MAP3K20: variants seen among roughly 807,000 people sequenced by gnomAD.
MAP3K20 encodes the protein HCCS-4.
In MAP3K20, 40 loss-of-function variants were observed where a neutral mutation model predicts 85.7. The ratio of observed to expected loss-of-function variants is 0.47; its 90% CI spans 0.36 to 0.61. The LOEUF (loss-of-function observed/expected upper bound fraction) is 0.61, where lower values mean the gene tolerates loss of function less well. MAP3K20 is among the 20% of genes least tolerant of loss of function. The pLI, the probability that MAP3K20 is intolerant of heterozygous loss-of-function variation, is 0.00. For synonymous variants in MAP3K20, 325 were observed against 327.7 expected, an observed-to-expected ratio of 0.99 and a Z score of 0.09; for missense variants, 817 against 961.7, an observed-to-expected ratio of 0.85 and a Z score of 1.99.
intron 2 of MAP3K20, among the ~76,000 whole-genome samples, chr2:173,134,838 G>A (rs1688754744): frequency 6.6e-6 from 1 of 152,164 alleles, no homozygotes; most frequent in Non-Finnish European, 1.5e-5. Flanking sequence ...CAAACTGGGA[G>A]AAAGAAACTT....
intron 1 of MAP3K20, among the ~76,000 whole-genome samples, chr2:173,083,941 G>A (rs2106138539): frequency 6.6e-6 from 1 of 152,208 alleles, no homozygotes; most frequent in East Asian, 1.9e-4. Context: ...TTTTGAAGAA[G>A]GGGGAAAGGA....
At chr2:173,224,263 G>A (rs933095989) in intron 11 of MAP3K20, 4 of 985,144 alleles carry the variant, frequency 4.1e-6, no homozygotes, top group East Asian at 1.1e-4. Flanking sequence ...GGATCTTTGG[G>A]GCTAACTTCG....
intron 2 of MAP3K20, among the ~76,000 whole-genome samples, chr2:173,126,781 G>C (rs959988420): frequency 1.3e-5 from 2 of 152,226 alleles, no homozygotes; most frequent in Non-Finnish European, 2.9e-5. Context: ...TGCTCTTACA[G>C]ACTATTCTAG....
intron 16 of MAP3K20, among the ~76,000 whole-genome samples, chr2:173,244,132 A>T (rs1328215420): frequency 6.6e-6 from 1 of 152,154 alleles, no homozygotes; most frequent in African/African-American, 2.4e-5. Flanking sequence ...AGACGCAGCA[A>T]GTGGGAGGGA....
Position 173,150,462 on chromosome 2 carries a change from A to C in MAP3K20, c.160-19343A>C, listed in dbSNP as rs546459493. Among the ~76,000 whole-genome samples, 7 of 152,338 alleles carry C rather than the reference A, an allele frequency of 4.6e-5. No individual in the cohort carries two copies. The East Asian group carries it at 1.3e-3, about 29-fold the overall frequency. ...CAGGGTTGTTTCAGCCTCTTCTCTCATAAAAGAGAGAGTGCTATTGCTGTC... is the reference window on the plus strand; with the variant it reads ...CAGGGTTGTTTCAGCCTCTTCTCTCCTAAAAGAGAGAGTGCTATTGCTGTC... On this transcript the variant is annotated intron_variant, in intron 2 of 19. Coordinates refer to ENST00000375213, the MANE Select transcript of MAP3K20 (RefSeq NM_016653.3).
In MAP3K20 at chr2:173,232,386, GGCT is replaced by G. The variant is rs761939990; in HGVS notation, c.1141_1143del (p.Leu381del). 6 of 1,614,060 alleles carry G rather than the reference GGCT, an allele frequency of 3.7e-6. No individual in the cohort carries two copies. The Admixed American group carries it at 6.7e-5, about 18-fold the overall frequency. On this transcript the variant is annotated inframe_deletion, in exon 14 of 20. Coordinates refer to ENST00000375213, the MANE Select transcript of MAP3K20 (RefSeq NM_016653.3). ...AAAGAAAACAACATTACAGGGAAGCGGCTGCTGCTGCTGGAGGAAGAAGACCTG... is the reference window on the plus strand; with the variant it reads ...AAAGAAAACAACATTACAGGGAAGCGGCTGCTGCTGGAGGAAGAAGACCTG...
intron 16 of MAP3K20, among the ~76,000 whole-genome samples, chr2:173,248,677 T>C (rs928799965): frequency 6.6e-6 from 1 of 152,100 alleles, no homozygotes; most frequent in South Asian, 2.1e-4. Context: ...GAGAAAGCCC[T>C]GGTTTGTAGC....
chr2:173,157,323 CT>C (rs34277580), intron 2 of MAP3K20, among the ~76,000 whole-genome samples: 42,384 of 143,226 alleles, frequency 0.3, 7,176 homozygotes, highest in Non-Finnish European at 0.41. Flanking sequence ...GGTTTGGTAC[CT>C]TTTTTTTTTT....
intron 2 of MAP3K20, among the ~76,000 whole-genome samples, chr2:173,157,317 TG>T (rs1689506490): frequency 8.8e-6 from 1 of 113,894 alleles, no homozygotes; most frequent in Non-Finnish European, 1.9e-5. Flanking sequence ...AGTTAGGGTT[TG>T]GTACCTTTTT....
intron 2 of MAP3K20, among the ~76,000 whole-genome samples, chr2:173,127,427 G>C (rs1688474489): frequency 6.6e-6 from 1 of 152,134 alleles, no homozygotes; most frequent in South Asian, 2.1e-4. Flanking sequence ...CTGTTAAAAA[G>C]TCGATCTTTA....
rs820009 is a variant in MAP3K20, at chr2:173,259,588, G to C, written c.1476+773G>C. On this transcript the variant is annotated intron_variant, in intron 17 of 19. Coordinates refer to ENST00000375213, the MANE Select transcript of MAP3K20 (RefSeq NM_016653.3). The stretch of plus-strand genomic sequence containing the variant: ...TTGGTTTCAGTGAAGAAAGTGGGGC[G>C]TGTAGCAAAGGACCCAGATACAAAC... Among the ~76,000 whole-genome samples, 69 of 152,218 alleles carry C rather than the reference G, an allele frequency of 4.5e-4. 1 individual carries two copies. Among genetic ancestry groups the C allele is most frequent in the African/African-American group, 1.5e-3 (61 of 41,444 alleles).
intron 2 of MAP3K20, among the ~76,000 whole-genome samples, chr2:173,169,481 G>C (rs556979490): frequency 6.6e-6 from 1 of 152,042 alleles, no homozygotes; most frequent in African/African-American, 2.4e-5. Flanking sequence ...AGCACTTTCG[G>C]AGGCCAAGGT....
rs574631038 is a variant in MAP3K20, at chr2:173,258,725, G to C, written c.1386G>C (p.Glu462Asp). 5.0e-6 allele frequency: 8 copies of C among 1,610,270 alleles called. No individual in the cohort carries two copies. In the African/African-American group the frequency reaches 1.1e-4, roughly 22 times the overall value. ...PQDCKWKMYM[E>D]MDGDEIAITY... is the part of the protein sequence containing the mutation. ...ATTGTAAGTGGAAAATGTATATGGA[G>C]ATGGATGGGGATGAAATTGCAATAA... The change falls in exon 17 of 20, where the codon GAG becomes GAC. Residue 462 changes from glutamate (E) to aspartate (D), a missense_variant. Coordinates refer to ENST00000375213, the MANE Select transcript of MAP3K20 (RefSeq NM_016653.3).
intron 2 of MAP3K20, among the ~76,000 whole-genome samples, chr2:173,115,583 G>C (rs1237633089): frequency 1.3e-5 from 2 of 152,066 alleles, no homozygotes; most frequent in Admixed American, 6.5e-5. Context: ...CTGTTGTTTA[G>C]ATTATTTTGT....
Position 173,266,054 on chromosome 2 carries a change from T to C in MAP3K20, c.1707T>C (p.Ala569=), listed in dbSNP as rs989222018. ...GNPGSRSDSS[A]DCQWLDTLRM... ...TCATTTCCATTTCTCCCGCAGGTGC[T>C]GATTGCCAGTGGTTAGATACTCTGA... Residue 569 remains alanine (A), a synonymous_variant, in exon 20 of 20, where the codon GCT becomes GCC. Coordinates refer to ENST00000375213, the MANE Select transcript of MAP3K20 (RefSeq NM_016653.3). The C allele has an allele frequency of 6.4e-7, 1 of 1,563,708 alleles. No homozygotes were observed. The highest frequency in any genetic ancestry group is 8.7e-7 in the Non-Finnish European group (1 of 1,151,538).
intron 2 of MAP3K20, among the ~76,000 whole-genome samples, chr2:173,152,593 G>C (rs1689340070): frequency 1.3e-5 from 2 of 152,164 alleles, no homozygotes; most frequent in Non-Finnish European, 2.9e-5. Flanking sequence ...TCTGCTCAAA[G>C]ATAGTAAGGT....
chr2:173,094,571 A>C (rs927993774), intron 2 of MAP3K20, among the ~76,000 whole-genome samples: 19 of 152,206 alleles, frequency 1.2e-4, no homozygotes, highest in Admixed American at 1.0e-3. Context: ...AATCTGGAAC[A>C]GTTTCTCTGC....
At chr2:173,082,758 A>C (rs949053975) in intron 1 of MAP3K20, among the ~76,000 whole-genome samples, 8 of 152,218 alleles carry the variant, frequency 5.3e-5, no homozygotes, top group African/African-American at 1.9e-4. Flanking sequence ...TGCTGCAAGA[A>C]GCTCCCAGCT....
intron 14 of MAP3K20, among the ~76,000 whole-genome samples, chr2:173,235,008 G>C (rs757971447): frequency 6.6e-6 from 1 of 152,248 alleles, no homozygotes; most frequent in Admixed American, 6.5e-5. Context: ...GATGTCACAG[G>C]TAAGAGGGCT....
Sources: gnomAD v4.1 joint callset for allele counts (sites outside exome capture counted in the v4.1 genomes callset) on GRCh38, gnomAD v4.1.1 for gene constraint, MANE v1.5 for transcripts, NCBI Gene and HGNC (gene_info 2026-07-23, HGNC 2026-07-21) for gene names.